Variants in FGF13 observed in about 807,000 individuals in gnomAD.
The protein encoded by FGF13 is fibroblast growth factor 13, also known as fibroblast growth factor homologous factor 2.
Under a neutral mutation model 19.5 loss-of-function variants are expected in FGF13, and 2 were observed. The observed-to-expected ratio is 0.10, with a 90% confidence interval of 0.04 to 0.32. FGF13 has a LOEUF of 0.32. Ranked by LOEUF, FGF13 falls within the 10% of genes least tolerant of loss-of-function variation. FGF13 has a pLI of 1.00. For synonymous variants in FGF13, 72 were observed against 76.9 expected, an observed-to-expected ratio of 0.94 and a Z score of 0.33; for missense variants, 113 against 192.7, an observed-to-expected ratio of 0.59 and a Z score of 2.45.
At chrX:139,007,400 G>A (rs1210805492) in intron 1 of FGF13, among the ~76,000 whole-genome samples, 1 of 110,709 alleles carries the variant, frequency 9.0e-6, no homozygotes, top group African/African-American at 3.3e-5. Flanking sequence ...AATAATAGCT[G>A]GGAGGCTTCA....
At chrX:138,835,954 T>G (rs745375297) in intron 3 of FGF13, among the ~76,000 whole-genome samples, 2 of 110,838 alleles carry the variant, frequency 1.8e-5, no homozygotes, top group Non-Finnish European at 3.8e-5. Flanking sequence ...GGAATTTGTT[T>G]TCTTTAAGAT....
intron 1 of FGF13, among the ~76,000 whole-genome samples, chrX:138,984,642 G>A (rs1484964972): frequency 2.2e-4 from 16 of 74,058 alleles, no homozygotes; most frequent in East Asian, 4.8e-4. Context: ...GGAGGAGGAG[G>A]AGAAGAAGAA....
chrX:138,997,414 G>A (rs746683641), intron 1 of FGF13, among the ~76,000 whole-genome samples: 7 of 56,778 alleles, frequency 1.2e-4, no homozygotes, highest in East Asian at 6.5e-4. Flanking sequence ...CTAACCCAAC[G>A]CAAGGAAGCT....
At chrX:138,691,532 A>G (rs1264030675) in intron 3 of FGF13, among the ~76,000 whole-genome samples, 1 of 111,775 alleles carries the variant, frequency 8.9e-6, no homozygotes, top group African/African-American at 3.2e-5. Context: ...TTATGGAATG[A>G]CTCACATCTC....
chrX:138,664,645 T>C (rs187034353), intron 3 of FGF13, among the ~76,000 whole-genome samples: 2 of 111,184 alleles, frequency 1.8e-5, no homozygotes, highest in African/African-American at 6.5e-5. Context: ...TGGCTAGTTA[T>C]AGAACACTTG....
chrX:138,823,151 G>C (rs1181267487), intron 3 of FGF13, among the ~76,000 whole-genome samples: 1 of 111,478 alleles, frequency 9.0e-6, no homozygotes, highest in Non-Finnish European at 1.9e-5. Flanking sequence ...TCTGGAACAA[G>C]AGAAGCTTTG....
chrX:139,123,893 A>G (rs1200885073), intron 1 of FGF13, among the ~76,000 whole-genome samples: 2 of 111,987 alleles, frequency 1.8e-5, no homozygotes, highest in Admixed American at 9.5e-5. Context: ...TCTCTTTCCC[A>G]CTCTACTCTT....
At chrX:139,116,746 C>A (rs780057238) in intron 1 of FGF13, among the ~76,000 whole-genome samples, 7 of 110,091 alleles carry the variant, frequency 6.4e-5, no homozygotes, top group Non-Finnish European at 1.1e-4. Context: ...AAAAGAACAC[C>A]AGGGGGAATA....
intron 1 of FGF13, among the ~76,000 whole-genome samples, chrX:139,103,438 T>C (rs1434709869): frequency 1.8e-5 from 2 of 111,901 alleles, no homozygotes; most frequent in Non-Finnish European, 3.8e-5. Flanking sequence ...AGGACACATA[T>C]TATAAGTCTA....
In FGF13 at chrX:138,783,101, G is replaced by A. The variant is rs1159509519; in HGVS notation, c.218-74173C>T. Among the ~76,000 whole-genome samples the A allele has an allele frequency of 1.6e-3, 160 of 98,585 alleles. 1 individual carries two copies. Among genetic ancestry groups the A allele is most frequent in the African/African-American group, 6.0e-3 (153 of 25,643 alleles). 85.6% of individuals were successfully genotyped at this position (98,585 alleles called of 115,157 possible). Reference sequence around the variant, plus strand: ...TTTAATAAATGGTACTGGGAAAACTGGCTAGCCATATGGAGAAAGCTGAAA... The same window carrying A: ...TTTAATAAATGGTACTGGGAAAACTAGCTAGCCATATGGAGAAAGCTGAAA... On this transcript the variant is annotated intron_variant, in intron 3 of 6. Transcript: ENST00000436198.
chrX:138,982,553 C>A (rs980115178), intron 1 of FGF13, among the ~76,000 whole-genome samples: 1 of 112,119 alleles, frequency 8.9e-6, no homozygotes, highest in Non-Finnish European at 1.9e-5. Context: ...TTTCTGCATG[C>A]AGACTCAGGG....
chrX:139,035,713 C>A (rs1349277856), intron 1 of FGF13, among the ~76,000 whole-genome samples: 1 of 111,210 alleles, frequency 9.0e-6, no homozygotes, highest in Non-Finnish European at 1.9e-5. Context: ...GGTCCAGCAC[C>A]TAATACTGAA....
At chrX:138,958,891 G>A (rs1037380292) in intron 1 of FGF13, among the ~76,000 whole-genome samples, 23 of 110,991 alleles carry the variant, frequency 2.1e-4, no homozygotes, top group African/African-American at 5.9e-4. Context: ...TTTTTATTGC[G>A]ACTATTTGAT....
chrX:138,782,092 T>C, intron 3 of FGF13, among the ~76,000 whole-genome samples: 1 of 111,767 alleles, frequency 8.9e-6, no homozygotes, highest in Non-Finnish European at 1.9e-5. Context: ...GAAAAGGCCT[T>C]TGACAAAATT....
At chrX:138,824,158 G>A (rs1016122099) in intron 3 of FGF13, among the ~76,000 whole-genome samples, 4 of 112,106 alleles carry the variant, frequency 3.6e-5, no homozygotes, top group African/African-American at 9.7e-5. Flanking sequence ...GGCACAGGAA[G>A]AAAGACATTT....
intron 1 of FGF13, among the ~76,000 whole-genome samples, chrX:139,195,495 T>C (rs956730228): frequency 8.9e-5 from 10 of 112,731 alleles, no homozygotes; most frequent in African/African-American, 3.2e-4. Context: ...TGTTTACTTC[T>C]ACTTTTAAGA....
intron 1 of FGF13, among the ~76,000 whole-genome samples, chrX:138,912,511 A>C (rs1432665714): frequency 1.8e-5 from 2 of 111,768 alleles, no homozygotes; most frequent in African/African-American, 6.5e-5. Flanking sequence ...AATTAGAGTT[A>C]GAAACTTCTA....
intron 1 of FGF13, among the ~76,000 whole-genome samples, chrX:138,922,706 A>C (rs1163976297): frequency 9.0e-6 from 1 of 111,649 alleles, no homozygotes; most frequent in Non-Finnish European, 1.9e-5. Flanking sequence ...CTAATCTGTC[A>C]CCAAGCCCTG....
intron 3 of FGF13, among the ~76,000 whole-genome samples, chrX:138,816,733 TTTC>T (rs1294987556): frequency 8.9e-6 from 1 of 112,501 alleles, no homozygotes; most frequent in Non-Finnish European, 1.9e-5. Flanking sequence ...ATTCATAAAC[TTTC>T]TTAAAACATT....
Sources: gnomAD v4.1 joint callset for allele counts (sites outside exome capture counted in the v4.1 genomes callset) on GRCh38, gnomAD v4.1.1 for gene constraint, MANE v1.5 for transcripts, NCBI Gene and HGNC (gene_info 2026-07-23, HGNC 2026-07-21) for gene names.